GALNTL6: variants seen among roughly 807,000 people sequenced by gnomAD.
GALNTL6 encodes polypeptide N-acetylgalactosaminyltransferase-like 6.
GALNTL6 carries 46 observed loss-of-function variants against 73.7 expected under a neutral mutation model. That is an observed-to-expected ratio of 0.62 (90% CI 0.49 to 0.80). The LOEUF is 0.80. GALNTL6 is among the 30% of genes least tolerant of loss of function. GALNTL6 has a pLI of 0.00. For synonymous variants in GALNTL6, 259 were observed against 263.7 expected (o/e 0.98, Z 0.17); for missense variants, 604 against 755.0 (o/e 0.80, Z 2.34).
At chr4:172,684,999 A>G (rs1732834512) in intron 5 of GALNTL6, among the ~76,000 whole-genome samples, 1 of 152,192 alleles carries the variant, frequency 6.6e-6, no homozygotes, top group Non-Finnish European at 1.5e-5. Flanking sequence ...ACTTTTTAGT[A>G]TGATTGTTAC....
At chr4:172,834,637 G>T (rs1742813057) in intron 7 of GALNTL6, among the ~76,000 whole-genome samples, 3 of 152,228 alleles carry the variant, frequency 2.0e-5, no homozygotes, top group Admixed American at 2.0e-4. Context: ...TCATGTCAGG[G>T]TGGCCCCTGA....
At chr4:172,550,887 G>A (rs761086908) in intron 5 of GALNTL6, among the ~76,000 whole-genome samples, 6 of 152,240 alleles carry the variant, frequency 3.9e-5, no homozygotes, top group Admixed American at 6.5e-5. Flanking sequence ...GTTTACCAAG[G>A]AGCTTTTATA....
rs374041531 is a variant in GALNTL6 at position 171,903,713 on chromosome 4, A to C, written c.138+88995A>C. Among the ~76,000 whole-genome samples, 3 of 151,874 alleles carry C rather than the reference A, an allele frequency of 2.0e-5. No homozygotes were observed. The East Asian group carries it at 5.8e-4, about 30-fold the overall frequency. ...GCAGGGCACAGACAAACAAAAAGACAGCAGTAACTTCTGCAGACTTAAATG... is the reference window on the plus strand; with the variant it reads ...GCAGGGCACAGACAAACAAAAAGACCGCAGTAACTTCTGCAGACTTAAATG... On this transcript the variant is annotated intron_variant, in intron 2 of 12. Transcript: ENST00000506823.
At chr4:172,983,840 G>T (rs555223607) in intron 10 of GALNTL6, among the ~76,000 whole-genome samples, 2 of 152,180 alleles carry the variant, frequency 1.3e-5, no homozygotes, top group Admixed American at 1.3e-4. Context: ...ACAAATGGAG[G>T]AGTGAGGCAA....
At chr4:172,083,724 G>A (rs1240249712) in intron 2 of GALNTL6, among the ~76,000 whole-genome samples, 7 of 152,088 alleles carry the variant, frequency 4.6e-5, no homozygotes, top group Non-Finnish European at 4.4e-5. Context: ...ATCATGTAAT[G>A]TATTAGAGAT....
intron 2 of GALNTL6, among the ~76,000 whole-genome samples, chr4:172,150,871 G>A (rs951633556): frequency 2.6e-5 from 4 of 152,136 alleles, no homozygotes; most frequent in African/African-American, 4.8e-5. Flanking sequence ...TTTTAACTGT[G>A]GAAGAGAGAG....
intron 8 of GALNTL6, among the ~76,000 whole-genome samples, chr4:172,890,604 T>C (rs1422698681): frequency 6.6e-6 from 1 of 152,190 alleles, no homozygotes; most frequent in Non-Finnish European, 1.5e-5. Flanking sequence ...ACTTGCTTTA[T>C]GGCTAGGCAT....
chr4:172,518,484 A>G (rs1165894385), intron 5 of GALNTL6, among the ~76,000 whole-genome samples: 1 of 151,992 alleles, frequency 6.6e-6, no homozygotes, highest in East Asian at 1.9e-4. Flanking sequence ...TTTAGAATTT[A>G]GAGAACGGTG....
chr4:173,005,150 T>TC (rs1310161814), intron 10 of GALNTL6, among the ~76,000 whole-genome samples: 2 of 152,052 alleles, frequency 1.3e-5, no homozygotes, highest in African/African-American at 2.4e-5. Context: ...CCTAAAGAAC[T>TC]CCTTTACTCT....
intron 2 of GALNTL6, among the ~76,000 whole-genome samples, chr4:171,953,677 G>C (rs1005250876): frequency 6.6e-6 from 1 of 152,012 alleles, no homozygotes; most frequent in African/African-American, 2.4e-5. Flanking sequence ...TTAAAATTGA[G>C]TATAATTGTA....
chr4:172,691,821 A>T (rs114588737), intron 5 of GALNTL6, among the ~76,000 whole-genome samples: 1 of 152,366 alleles, frequency 6.6e-6, no homozygotes, highest in East Asian at 1.9e-4. Context: ...CCAGAAAAAG[A>T]CAGAATTATA....
chr4:172,968,883 C>A (rs1579722919), intron 10 of GALNTL6, among the ~76,000 whole-genome samples: 1 of 152,172 alleles, frequency 6.6e-6, no homozygotes, highest in African/African-American at 2.4e-5. Flanking sequence ...TGAGATTGTT[C>A]ATATATGGAA....
At chr4:172,727,687 G>C (rs2111378885) in intron 5 of GALNTL6, among the ~76,000 whole-genome samples, 1 of 152,120 alleles carries the variant, frequency 6.6e-6, no homozygotes, top group African/African-American at 2.4e-5. Flanking sequence ...ATTTTGAACA[G>C]AAGCATATGC....
intron 5 of GALNTL6, among the ~76,000 whole-genome samples, chr4:172,564,493 A>G (rs1457693692): frequency 1.3e-5 from 2 of 152,186 alleles, no homozygotes; most frequent in Non-Finnish European, 1.5e-5. Flanking sequence ...GGCACATTAT[A>G]AGGATATTTA....
rs140316332 is a variant in GALNTL6 at position 172,670,263 on chromosome 4, C to T, written c.554-139098C>T. Among the ~76,000 whole-genome samples the T allele has an allele frequency of 1.3e-4, 20 of 152,250 alleles. No individual in the cohort carries two copies. The East Asian group carries it at 3.7e-3, about 28-fold the overall frequency. ...TACAATAACTGAACTATTTAGACTG[C>T]CACCAACAGTATATAAGCATTTGCT... On this transcript the variant is annotated intron_variant, in intron 5 of 12. Coordinates refer to ENST00000506823, the MANE Select transcript of GALNTL6 (RefSeq NM_001034845.3).
chr4:172,406,518 C>CA (rs1396734844), intron 5 of GALNTL6, among the ~76,000 whole-genome samples: 1 of 151,980 alleles, frequency 6.6e-6, no homozygotes, highest in East Asian at 1.9e-4. Context: ...ATTAGCTGCA[C>CA]AAAAAATATT....
At chr4:172,690,217 A>C (rs1012660656) in intron 5 of GALNTL6, among the ~76,000 whole-genome samples, 2 of 152,196 alleles carry the variant, frequency 1.3e-5, no homozygotes, top group Admixed American at 6.5e-5. Flanking sequence ...GCTTGAAAAT[A>C]AGCCCATAAT....
chr4:172,060,881 A>G (rs1184728328), intron 2 of GALNTL6, among the ~76,000 whole-genome samples: 1 of 152,204 alleles, frequency 6.6e-6, no homozygotes, highest in Non-Finnish European at 1.5e-5. Context: ...TTAATTTGAC[A>G]CAAACTTATT....
At chr4:172,078,417 G>T (rs1731775827) in intron 2 of GALNTL6, among the ~76,000 whole-genome samples, 1 of 152,082 alleles carries the variant, frequency 6.6e-6, no homozygotes, top group Admixed American at 6.5e-5. Flanking sequence ...GTGGAACTGT[G>T]AGTCAATTAA....
Sources: allele counts gnomAD v4.1 joint callset (sites outside exome capture counted in the v4.1 genomes callset), GRCh38; gene constraint gnomAD v4.1.1; transcripts MANE v1.5; gene names NCBI Gene and HGNC (gene_info 2026-07-23, HGNC 2026-07-21).